The following DIPK2A variants were observed in gnomAD, a reference collection of about 807,000 sequenced individuals.
DIPK2A encodes Golgi Protein of 49 kDa.
Under a neutral mutation model 39.0 loss-of-function variants are expected in DIPK2A, and 27 were observed. The observed-to-expected ratio is 0.69, with a 90% CI of 0.51 to 0.96. DIPK2A has a LOEUF of 0.96. Among genes scored for constraint, DIPK2A ranks in the 40% least tolerant of loss-of-function variants. The probability of loss-of-function intolerance (pLI) is 0.00; values close to 1 mark genes in which losing one functional copy is unlikely to be tolerated. For missense variants in DIPK2A, 528 were observed against 571.3 expected, an observed-to-expected ratio of 0.92 and a Z score of 0.77; for synonymous variants, 298 against 240.8, an observed-to-expected ratio of 1.24 and a Z score of -2.20.
At chr3:143,977,832 G>T (rs1367055762) in intron 1 of DIPK2A, among the ~76,000 whole-genome samples, 1 of 152,012 alleles carries the variant, frequency 6.6e-6, no homozygotes, top group Non-Finnish European at 1.5e-5. Context: ...GTCCAAAAAG[G>T]GGGTGGGGAC....
chr3:143,974,733 T>C (rs750371445), intron 1 of DIPK2A, among the ~76,000 whole-genome samples: 3 of 152,128 alleles, frequency 2.0e-5, no homozygotes, highest in African/African-American at 7.2e-5. Context: ...TGAATAGTGA[T>C]GTATTAGTAA....
intron 1 of DIPK2A, among the ~76,000 whole-genome samples, chr3:143,974,354 G>A (rs1048965287): frequency 6.6e-6 from 1 of 152,184 alleles, no homozygotes; most frequent in African/African-American, 2.4e-5. Context: ...TAATTTTAAA[G>A]TCAGAGTGTG....
At chr3:143,987,840 T>C (rs1165872863) in intron 2 of DIPK2A, among the ~76,000 whole-genome samples, 2 of 152,226 alleles carry the variant, frequency 1.3e-5, no homozygotes, top group Non-Finnish European at 2.9e-5. Flanking sequence ...AAACCTGACG[T>C]AGACCTCTGC....
rs769360763 is a variant in DIPK2A, at chr3:143,971,934, C to T, written c.-399C>T. ...TCCTTTCCTCGCAGACCCCACTTGT[C>T]GTGGCTGGCTGCCGCCGCAGCTCTT... is the stretch of plus-strand genomic sequence containing the variant. On this transcript the variant is annotated 5_prime_UTR_variant, in exon 1 of 3. Transcript: ENST00000315691. The T allele has an allele frequency of 7.2e-5, 14 of 195,614 alleles. No homozygotes were observed. Among genetic ancestry groups the T allele is most frequent in the Non-Finnish European group, 1.1e-4 (11 of 97,212 alleles). 12.1% of individuals were successfully genotyped at this position (195,614 alleles called of 1,614,324 possible).
intron 1 of DIPK2A, chr3:143,973,850 TACTGG>T: frequency 2.0e-6 from 1 of 499,184 alleles, no homozygotes; most frequent in East Asian, 3.6e-5. Flanking sequence ...ATGGAATCTT[TACTGG>T]TGACATCAAA....
chr3:143,988,089 C>T (rs1238651759), intron 2 of DIPK2A, among the ~76,000 whole-genome samples: 1 of 151,586 alleles, frequency 6.6e-6, no homozygotes, highest in East Asian at 1.9e-4. Context: ...GTGACTTGGC[C>T]CTCTTCTGAT....
chr3:143,985,573 G>A lies in DIPK2A; in HGVS notation c.688G>A (p.Ala230Thr). The A allele has an allele frequency of 6.2e-7, 1 of 1,614,048 alleles. No individual in the cohort carries two copies. Among genetic ancestry groups the A allele is most frequent in the Non-Finnish European group, 8.5e-7 (1 of 1,179,906 alleles). ...SFPSDEGWPF[A>T]KYLGACGRMV... ...TCCGTCTGATGAAGGTTGGCCATTT[G>A]CAAAGTATCTTGGAGCTTGTGGAAG... The change falls in exon 2 of 3, where the codon GCA becomes ACA. Residue 230 changes from alanine to threonine, a missense_variant. Transcript: ENST00000315691.
chr3:143,973,231 T>C, intron 1 of DIPK2A: 1 of 1,119,760 alleles, frequency 8.9e-7, no homozygotes, highest in South Asian at 1.3e-5. Flanking sequence ...CGGATTTGAC[T>C]GTGGATCTTT....
Position 143,972,850 on chromosome 3 carries a change from A to G in DIPK2A, c.518A>G (p.Gln173Arg). 1 of 1,569,074 alleles carries G rather than the reference A, an allele frequency of 6.4e-7. No homozygotes were observed. Among genetic ancestry groups the G allele is most frequent in the Admixed American group, 1.8e-5 (1 of 54,404 alleles). ...TCGGACCTGGTGCACTGCCCCTCGCAGCGCCTTCTCGACCGCCTGGTGCGC... is the reference window on the plus strand; with the variant it reads ...TCGGACCTGGTGCACTGCCCCTCGCGGCGCCTTCTCGACCGCCTGGTGCGC... ...GWSDLVHCPS[Q>R]RLLDRLVRRY... The change falls in exon 1 of 3, where the codon CAG becomes CGG. Residue 173 changes from glutamine to arginine, a missense_variant. By Grantham distance (43) the Gln-to-Arg change is conservative. Transcript: ENST00000315691.
chr3:143,989,668 T>G lies in DIPK2A; in HGVS notation c.1120T>G (p.Trp374Gly). The change falls in exon 3 of 3, where the codon TGG becomes GGG. Residue 374 changes from tryptophan (W) to glycine (G), a missense_variant. This residue lies in a region of DIPK2A where 219 missense variants were observed against 281.5 expected (regional missense o/e 0.78). Transcript: ENST00000315691. ...GAACCTCTTATCCAGACATGCCACC[T>G]GGCGTGGCACTTCTGGAGGACTCCT... ...CQNLLSRHAT[W>G]RGTSGGLLHD... is the part of the protein sequence containing the mutation. 1.2e-6 allele frequency: 2 copies of G among 1,614,242 alleles called. No homozygotes were observed. Among genetic ancestry groups the G allele is most frequent in the Middle Eastern group, 1.6e-4 (1 of 6,062 alleles).
At chr3:143,977,317 TG>T (rs1489557812) in intron 1 of DIPK2A, among the ~76,000 whole-genome samples, 11 of 152,072 alleles carry the variant, frequency 7.2e-5, no homozygotes, top group South Asian at 4.1e-4. Context: ...TTGAGAAATT[TG>T]GTTTTTATTG....
Position 143,972,712 on chromosome 3 carries a change from A to G in DIPK2A, c.380A>G (p.Lys127Arg), listed in dbSNP as rs776386640. The change falls in exon 1 of 3, where the codon AAG becomes AGG. Residue 127 changes from lysine (K) to arginine (R), a missense_variant. By Grantham distance (26) the Lys-to-Arg change is conservative. This residue lies in a region of DIPK2A where 309 missense variants were observed against 289.8 expected (regional missense o/e 1.07). Transcript: ENST00000315691. The stretch of plus-strand genomic sequence containing the variant: ...GCGCAGCTCGACCAGAGCATCTGCA[A>G]GCGGGCCACCGGCCGGCCCCGCTGC... Reference protein sequence around the residue: ...ELAQLDQSICKRATGRPRCDL... With the variant: ...ELAQLDQSICRRATGRPRCDL... 32 of 1,600,932 alleles carry G rather than the reference A, an allele frequency of 2.0e-5. No individual in the cohort carries two copies. The highest frequency in any genetic ancestry group is 2.7e-5 in the Non-Finnish European group (32 of 1,175,392).
chr3:143,983,677 A>G (rs1293521077), intron 1 of DIPK2A, among the ~76,000 whole-genome samples: 2 of 152,240 alleles, frequency 1.3e-5, no homozygotes, highest in Non-Finnish European at 2.9e-5. Flanking sequence ...CAAATTCTAA[A>G]GCTAGCAGAA....
rs1413727951 is a variant in DIPK2A at position 143,992,199 on chromosome 3, A to G, written c.*2358A>G. 2 of 152,642 alleles carry G rather than the reference A, an allele frequency of 1.3e-5. No individual in the cohort carries two copies. Among genetic ancestry groups the G allele is most frequent in the African/African-American group, 4.8e-5 (2 of 41,458 alleles). 9.5% of individuals were successfully genotyped at this position (152,642 alleles called of 1,614,324 possible). On this transcript the variant is annotated 3_prime_UTR_variant, in exon 3 of 3. Transcript: ENST00000315691. Reference sequence around the variant, plus strand: ...ATTGCCCATTAATAGACGCAGTAAAATATTTTTGAATCAGACATTTGGGGT... The same window carrying G: ...ATTGCCCATTAATAGACGCAGTAAAGTATTTTTGAATCAGACATTTGGGGT...
chr3:143,979,291 G>A (rs1368130895), intron 1 of DIPK2A, among the ~76,000 whole-genome samples: 1 of 152,098 alleles, frequency 6.6e-6, no homozygotes, highest in Non-Finnish European at 1.5e-5. Flanking sequence ...GAATGAATAT[G>A]GTAGGAAAGA....
intron 1 of DIPK2A, among the ~76,000 whole-genome samples, chr3:143,975,315 A>C (rs1353143180): frequency 3.9e-5 from 6 of 152,136 alleles, no homozygotes; most frequent in Non-Finnish European, 7.4e-5. Flanking sequence ...TAATTTTTTT[A>C]AAACCTGATT....
rs1024368652 is a variant in DIPK2A at position 143,975,712 on chromosome 3, A to G, written c.657+2723A>G. On this transcript the variant is annotated intron_variant, in intron 1 of 2. Coordinates refer to ENST00000315691, the MANE Select transcript of DIPK2A (RefSeq NM_173552.5). ...TTAAAAAATATATTTTTAAGAGTAC[A>G]AGTGTTTTAACAGCTTGAAGAGGAA... Among the ~76,000 whole-genome samples, 5 of 152,218 alleles carry G rather than the reference A, an allele frequency of 3.3e-5. No homozygotes were observed. The East Asian group carries it at 9.6e-4, about 29-fold the overall frequency.
At chr3:143,985,885 T>C in intron 2 of DIPK2A, 39 bp downstream of exon 2, 1 of 1,499,682 alleles carries the variant, frequency 6.7e-7, no homozygotes. Context: ...ACTCATTTTT[T>C]CCTATGTCAA....
At chr3:143,977,316 T>C (rs2087744844) in intron 1 of DIPK2A, among the ~76,000 whole-genome samples, 1 of 151,942 alleles carries the variant, frequency 6.6e-6, no homozygotes, top group African/African-American at 2.4e-5. Context: ...CTTGAGAAAT[T>C]TGGTTTTTAT....
Sources: allele counts gnomAD v4.1 joint callset (sites outside exome capture counted in the v4.1 genomes callset), GRCh38; gene constraint gnomAD v4.1.1; regional missense constraint gnomAD v4.1.1; transcripts MANE v1.5; gene names NCBI Gene and HGNC (gene_info 2026-07-23, HGNC 2026-07-21).